ADK: variants seen among roughly 807,000 people sequenced by gnomAD.
The protein encoded by ADK is adenosine kinase.
In ADK, 24 loss-of-function variants were observed where a neutral mutation model predicts 44.7. The observed-to-expected ratio is 0.54, with a 90% CI of 0.39 to 0.76. The LOEUF (loss-of-function observed/expected upper bound fraction) is 0.76. Among genes scored for constraint, ADK ranks in the 30% least tolerant of loss-of-function variants. The pLI, the probability that ADK is intolerant of heterozygous loss-of-function variation, is 0.00. For missense variants in ADK, 321 were observed against 425.1 expected (o/e 0.76, Z 2.15); for synonymous variants, 128 against 142.6 (o/e 0.90, Z 0.73).
intron 4 of ADK, 64 bp downstream of exon 4, chr10:74,314,809 A>C: frequency 8.0e-7 from 1 of 1,242,632 alleles, no homozygotes. Context: ...TCTATTTTGC[A>C]TAATTGTTTC....
rs891290311 is a variant in ADK, at chr10:74,222,168, AAAAC to A, written c.141-2363_141-2360del. On this transcript the variant is annotated intron_variant, in intron 2 of 10. Coordinates refer to ENST00000539909, the MANE Select transcript of ADK (RefSeq NM_006721.4). ...ATGAACTCAAACAAATTTACAAGAA[AAAAC>A]AAACAACCCCATCAAAAAGTGGGTG... Among the ~76,000 whole-genome samples, 107 of 152,294 alleles carry A rather than the reference AAAAC, an allele frequency of 7.0e-4. 1 individual carries two copies. Among genetic ancestry groups the A allele is most frequent in the African/African-American group, 2.4e-3 (99 of 41,558 alleles).
In ADK at chr10:74,178,168, C is replaced by G. The variant is rs370470807; in HGVS notation, c.66-22596C>G. On this transcript the variant is annotated intron_variant, in intron 1 of 10. Coordinates refer to ENST00000539909, the MANE Select transcript of ADK (RefSeq NM_006721.4). ...TATTGGCCAGGCTGGTCTCGAACTC[C>G]TGACCTCAAGTGATCCACCTGCCTT... Among the ~76,000 whole-genome samples, 8 of 152,122 alleles carry G rather than the reference C, an allele frequency of 5.3e-5. 1 individual carries two copies. Among genetic ancestry groups the G allele is most frequent in the African/African-American group, 1.4e-4 (6 of 41,504 alleles).
chr10:74,411,676 G>A (rs1248315234), intron 6 of ADK, among the ~76,000 whole-genome samples: 1 of 152,188 alleles, frequency 6.6e-6, no homozygotes, highest in African/African-American at 2.4e-5. Flanking sequence ...GAAGGTTGGG[G>A]TAGCTGTGAC....
At chr10:74,293,165 CAAAAAAAAAAAA>C (rs59635944) in intron 3 of ADK, among the ~76,000 whole-genome samples, 1 of 79,160 alleles carries the variant, frequency 1.3e-5, no homozygotes, top group Non-Finnish European at 2.2e-5. Context: ...AACCCTGTCT[CAAAAAAAAAAAA>C]AAAAAAAAAA....
chr10:74,479,955 G>T (rs189317894), intron 6 of ADK, among the ~76,000 whole-genome samples: 13 of 151,908 alleles, frequency 8.6e-5, no homozygotes, highest in Middle Eastern at 3.4e-3. Context: ...ATGTAATGAG[G>T]TTTACCAACA....
At chr10:74,526,350 T>G (rs931840698) in intron 7 of ADK, among the ~76,000 whole-genome samples, 2 of 152,208 alleles carry the variant, frequency 1.3e-5, no homozygotes, top group Non-Finnish European at 2.9e-5. Flanking sequence ...TTTGATTGCT[T>G]GTTTACTGTT....
chr10:74,678,500 A>G (rs994830983), intron 10 of ADK, among the ~76,000 whole-genome samples: 1 of 152,228 alleles, frequency 6.6e-6, no homozygotes, highest in African/African-American at 2.4e-5. Flanking sequence ...CAAAGACCTA[A>G]TATCCTGAAT....
chr10:74,202,064 C>T (rs1324853314), intron 2 of ADK, among the ~76,000 whole-genome samples: 1 of 152,112 alleles, frequency 6.6e-6, no homozygotes, highest in East Asian at 1.9e-4. Flanking sequence ...AAAATGAAAT[C>T]CCATACCCAG....
At chr10:74,262,235 G>T (rs933003691) in intron 3 of ADK, among the ~76,000 whole-genome samples, 33 of 150,240 alleles carry the variant, frequency 2.2e-4, no homozygotes, top group Admixed American at 6.0e-4. Context: ...CAGGAGAATC[G>T]CTTGAACCTG....
intron 6 of ADK, among the ~76,000 whole-genome samples, chr10:74,486,394 A>G (rs1406098151): frequency 6.6e-6 from 1 of 152,182 alleles, no homozygotes; most frequent in African/African-American, 2.4e-5. Context: ...AGAACAGACT[A>G]ATACAACTGG....
intron 9 of ADK, among the ~76,000 whole-genome samples, chr10:74,618,043 GGTTA>G (rs1297781594): frequency 2.0e-5 from 3 of 151,974 alleles, no homozygotes; most frequent in Non-Finnish European, 4.4e-5. Flanking sequence ...GCTTTCTATT[GGTTA>G]GTGTTTACAT....
chr10:74,563,516 T>C lies in ADK; in HGVS notation c.727-25766T>C, dbSNP rs1033583532. On this transcript the variant is annotated intron_variant, in intron 7 of 10. Transcript: ENST00000539909. ...GGACTGAAACATAGAGCACATACAA[T>C]AGGTATATTCTAGTCATTATAAAAT... Among the ~76,000 whole-genome samples the C allele has an allele frequency of 2.0e-5, 3 of 152,220 alleles. No homozygotes were observed. In the East Asian group the frequency reaches 5.8e-4, roughly 29 times the overall value.
intron 1 of ADK, chr10:74,174,336 A>AAAAAAAC (rs1842257714): frequency 6.6e-6 from 1 of 151,460 alleles, no homozygotes; most frequent in Non-Finnish European, 1.5e-5. Context: ...AAAAAAAAAA[A>AAAAAAAC]AAGAACCAGC....
At chr10:74,291,252 T>TA (rs1564635981) in intron 3 of ADK, among the ~76,000 whole-genome samples, 3 of 151,972 alleles carry the variant, frequency 2.0e-5, no homozygotes, top group Admixed American at 2.0e-4. Context: ...CTGTCTCTAA[T>TA]AAAAAATACA....
chr10:74,171,808 CTCTGTGTGTGTG>C (rs1454027857), intron 1 of ADK, among the ~76,000 whole-genome samples: 2 of 142,532 alleles, frequency 1.4e-5, no homozygotes, highest in African/African-American at 5.6e-5. Context: ...CTCTCTGTCT[CTCTGTGTGTGTG>C]TGTGTGTGTG....
At chr10:74,529,558 A>T (rs1339578735) in intron 7 of ADK, among the ~76,000 whole-genome samples, 2 of 152,194 alleles carry the variant, frequency 1.3e-5, no homozygotes, top group African/African-American at 4.8e-5. Flanking sequence ...TTATTCTACA[A>T]ATCAGTAAAC....
At chr10:74,206,895 C>G (rs565812329) in intron 2 of ADK, among the ~76,000 whole-genome samples, 98 of 152,254 alleles carry the variant, frequency 6.4e-4, no homozygotes, top group African/African-American at 2.3e-3. Flanking sequence ...TTGGTGGAGC[C>G]TTTGCCTGAG....
intron 4 of ADK, among the ~76,000 whole-genome samples, chr10:74,352,158 C>T (rs766919386): frequency 5.3e-5 from 8 of 152,086 alleles, no homozygotes; most frequent in African/African-American, 1.9e-4. Flanking sequence ...AGGCATCATG[C>T]TACCTGACTT....
At chr10:74,552,008 T>TTTTTGTACTG (rs1554880012) in intron 7 of ADK, among the ~76,000 whole-genome samples, 5 of 151,352 alleles carry the variant, frequency 3.3e-5, no homozygotes, top group Non-Finnish European at 5.9e-5. Context: ...ATACCATGGT[T>TTTTTGTACTG]TTTTGTATTA....
Sources: gnomAD v4.1 joint callset for allele counts (sites outside exome capture counted in the v4.1 genomes callset) on GRCh38, gnomAD v4.1.1 for gene constraint, MANE v1.5 for transcripts, NCBI Gene and HGNC (gene_info 2026-07-23, HGNC 2026-07-21) for gene names.